UBR2: variants seen among roughly 807,000 people sequenced by gnomAD.
The protein encoded by UBR2 is ubiquitin protein ligase E3 component n-recognin 2.
Under a neutral mutation model 247.9 loss-of-function variants are expected in UBR2, and 92 were observed. The observed-to-expected ratio is 0.37, with a 90% confidence interval of 0.31 to 0.44. The LOEUF (loss-of-function observed/expected upper bound fraction) is 0.44. Ranked by LOEUF, UBR2 falls within the 20% of genes least tolerant of loss-of-function variation. The pLI is 1.00. For missense variants in UBR2, 1,613 were observed against 2,112.6 expected, an observed-to-expected ratio of 0.76 and a Z score of 4.64; for synonymous variants, 672 against 693.5, an observed-to-expected ratio of 0.97 and a Z score of 0.49.
At position 42,691,102 on chromosome 6, in the gene UBR2, G is replaced by A. The variant is rs771359674; in HGVS notation, c.5197G>A (p.Val1733Ile). The A allele has an allele frequency of 2.5e-6, 4 of 1,614,204 alleles. No individual in the cohort carries two copies. Among genetic ancestry groups the A allele is most frequent in the Non-Finnish European group, 3.4e-6 (4 of 1,180,042 alleles). The change falls in exon 47 of 47, where the codon GTC becomes ATC. Residue 1733 changes from valine (V) to isoleucine (I), a missense_variant. Val to Ile is a conservative substitution (Grantham distance 29). Around this residue, in one of 3 missense-constraint regions of UBR2, gnomAD observed 80 missense variants for 108.6 expected, o/e 0.74. Transcript: ENST00000372901. The stretch of plus-strand genomic sequence containing the variant: ...TCAGAAGCTCTGGCACCAACACAGT[G>A]TCACAGAGGAAATTGGACATGCACA... ...KIQKLWHQHS[V>I]TEEIGHAQEA...
In UBR2 at chr6:42,666,154, C is replaced by A; in HGVS notation, c.3803-13C>A. 3.7e-6 allele frequency: 6 copies of A among 1,600,640 alleles called. No homozygotes were observed. The South Asian group carries it at 6.7e-5, about 18-fold the overall frequency. On this transcript the variant is annotated splice_polypyrimidine_tract_variant and intron_variant, in intron 33 of 46. Transcript: ENST00000372901. ...ATCTATTGAATAATAGTATAAAATG[C>A]CTGTTTCTATAGATAATGCCTCTAC...
rs1223306995 is a variant in UBR2 at position 42,573,788 on chromosome 6, T to C, written c.133T>C (p.Tyr45His). 2 of 1,611,960 alleles carry C rather than the reference T, an allele frequency of 1.2e-6. No homozygotes were observed. The highest frequency in any genetic ancestry group is 1.7e-6 in the Non-Finnish European group (2 of 1,178,988). The change falls in exon 2 of 47, where the codon TAT (tyrosine) becomes CAT (histidine). Residue 45 changes from tyrosine to histidine, a missense_variant. Physicochemically the swap from Tyr to His is moderately conservative, Grantham distance 83 (BLOSUM62 2). Transcript: ENST00000372901. ...TREVYQHLAHYVPKIYCRGPN... is the reference protein window; with the variant it reads ...TREVYQHLAHHVPKIYCRGPN... The stretch of plus-strand genomic sequence containing the variant: ...AGAAGTGTACCAGCATTTAGCCCAC[T>C]ATGTACCCAAAATCTACTGCAGGGG...
intron 11 of UBR2, among the ~76,000 whole-genome samples, chr6:42,627,864 T>C (rs1795452817): frequency 6.6e-6 from 1 of 152,184 alleles, no homozygotes; most frequent in African/African-American, 2.4e-5. Flanking sequence ...GTAAACCACA[T>C]TCCTCCCAAA....
Position 42,611,432 on chromosome 6 carries a change from G to C in UBR2, c.865-739G>C, listed in dbSNP as rs1405628159. The stretch of plus-strand genomic sequence containing the variant: ...GCAGAGATTGTGCTACTGCACTCCA[G>C]CCTGGTGACAGAGCTAGACTCCATC... On this transcript the variant is annotated intron_variant, in intron 7 of 46. Coordinates refer to ENST00000372901, the MANE Select transcript of UBR2 (RefSeq NM_001363705.2). Among the ~76,000 whole-genome samples, 3 of 145,998 alleles carry C rather than the reference G, an allele frequency of 2.1e-5. 1 individual carries two copies. Among genetic ancestry groups the C allele is most frequent in the Middle Eastern group, 7.2e-3 (2 of 276 alleles).
chr6:42,578,963 ACACACACAAACAC>A (rs1791695558), intron 2 of UBR2, among the ~76,000 whole-genome samples: 1 of 88,032 alleles, frequency 1.1e-5, no homozygotes, highest in African/African-American at 5.4e-5. Flanking sequence ...TCAAAAACAC[ACACACACAAACAC>A]ACACACACAC....
At position 42,606,659 on chromosome 6, in the gene UBR2, AT is replaced by A. The variant is rs1287218974; in HGVS notation, c.864+11del. The A allele has an allele frequency of 6.3e-7, 1 of 1,591,310 alleles. No individual in the cohort carries two copies. Among genetic ancestry groups the A allele is most frequent in the Admixed American group, 1.8e-5 (1 of 56,398 alleles). On this transcript the variant is annotated intron_variant, in intron 7 of 46. Transcript: ENST00000372901. ...GCAAAATCAGTAATTGTGGTAAGTA[AT>A]TTAAAAACATGCTTATATTATTTTT...
chr6:42,589,780 A>G (rs531139860), intron 2 of UBR2, among the ~76,000 whole-genome samples: 23 of 152,114 alleles, frequency 1.5e-4, no homozygotes, highest in Admixed American at 8.5e-4. Context: ...TTCCTTTTCA[A>G]CGTTTTAAAG....
intron 11 of UBR2, among the ~76,000 whole-genome samples, chr6:42,620,506 G>T (rs9296396): frequency 0.56 from 61,558 of 109,694 alleles, 13,856 homozygotes; most frequent in African/African-American, 0.61. Flanking sequence ...TTTTGTTTTT[G>T]TTTTTTTTTA....
intron 8 of UBR2, among the ~76,000 whole-genome samples, 173 bp downstream of exon 8, chr6:42,612,464 T>C (rs186208005): frequency 9.8e-4 from 149 of 152,342 alleles, no homozygotes; most frequent in African/African-American, 3.4e-3. Context: ...TTTAACAAAT[T>C]TGGTCATACT....
At chr6:42,597,598 C>CA (rs34005192) in intron 4 of UBR2, among the ~76,000 whole-genome samples, 40,870 of 131,516 alleles carry the variant, frequency 0.31, 5,822 homozygotes, top group Non-Finnish European at 0.34. Context: ...ACTCTGTCTC[C>CA]AAAAAAAAAA....
In UBR2 at chr6:42,659,136, A is replaced by C. The variant is rs76071644; in HGVS notation, c.3242+312A>C. On this transcript the variant is annotated intron_variant, in intron 29 of 46. Transcript: ENST00000372901. This position sits in a 1 kb window ranked among gnomAD's most constrained non-coding sequence, Gnocchi z 4.3. Reference sequence around the variant, plus strand: ...TGAAGATTAGATTACTGTGAGGATTAAAGGAGATGGTTTTGATACATACCA... The same window carrying C: ...TGAAGATTAGATTACTGTGAGGATTCAAGGAGATGGTTTTGATACATACCA... Among the ~76,000 whole-genome samples the C allele has an allele frequency of 4.0e-3, 611 of 152,294 alleles. 1 individual carries two copies. The highest frequency in any genetic ancestry group is 0.014 in the African/African-American group (568 of 41,566).
At chr6:42,603,767 A>T in intron 5 of UBR2, 49 bp downstream of exon 5, 1 of 1,542,478 alleles carries the variant, frequency 6.5e-7, no homozygotes, top group Non-Finnish European at 8.7e-7. Flanking sequence ...GCTAAATTTT[A>T]ACTTTAACAC....
chr6:42,663,992 G>A (rs1212538998), intron 32 of UBR2, among the ~76,000 whole-genome samples: 3 of 152,042 alleles, frequency 2.0e-5, no homozygotes, highest in African/African-American at 7.2e-5. Context: ...GACCCTGTCT[G>A]TACAAAAAAT....
intron 7 of UBR2, among the ~76,000 whole-genome samples, chr6:42,608,523 A>G (rs1243507323): frequency 1.3e-5 from 2 of 152,280 alleles, no homozygotes; most frequent in East Asian, 1.9e-4. Context: ...CTAGCTACTC[A>G]GGAGGCTGAG....
intron 1 of UBR2, among the ~76,000 whole-genome samples, chr6:42,565,895 C>G (rs1790752392): frequency 6.6e-6 from 1 of 151,978 alleles, no homozygotes; most frequent in Non-Finnish European, 1.5e-5. Flanking sequence ...ACTTGTTTAG[C>G]CTAGGTCTGT....
At chr6:42,675,988 GA>G in intron 38 of UBR2, 67 bp from the exon 39 acceptor site, 1 of 1,503,320 alleles carries the variant, frequency 6.7e-7, no homozygotes. Context: ...GTAAAAGTAA[GA>G]AGATGGAAAT....
At chr6:42,681,746 G>T (rs974471667) in intron 42 of UBR2, among the ~76,000 whole-genome samples, 2 of 152,106 alleles carry the variant, frequency 1.3e-5, no homozygotes, top group Admixed American at 1.3e-4. Flanking sequence ...TCCACTTCTA[G>T]GTACAGATTA....
chr6:42,598,476 C>T (rs1037070412), intron 4 of UBR2, among the ~76,000 whole-genome samples: 9 of 152,078 alleles, frequency 5.9e-5, no homozygotes, highest in East Asian at 1.9e-4. Flanking sequence ...CATTGTGTTT[C>T]GCCTACTCAG....
At chr6:42,632,069 A>AT (rs1554254887) in intron 11 of UBR2, among the ~76,000 whole-genome samples, 10,307 of 113,776 alleles carry the variant, frequency 0.091, 463 homozygotes, top group Non-Finnish European at 0.12. Context: ...AAAAAAAAAA[A>AT]ATATATATAT....
Sources: gnomAD v4.1 joint callset for allele counts (sites outside exome capture counted in the v4.1 genomes callset) on GRCh38, gnomAD v4.1.1 for gene constraint, gnomAD v4.1.1 regional missense constraint, Gnocchi (gnomAD v3.1) non-coding constraint, MANE v1.5 for transcripts, NCBI Gene and HGNC (gene_info 2026-07-23, HGNC 2026-07-21) for gene names.